The following CELF4 variants were observed in gnomAD, a reference collection of about 807,000 sequenced individuals.
CELF4 encodes the protein CUG-BP- and ETR-3-like factor 4.
CELF4 carries 18 observed loss-of-function variants against 59.9 expected under a neutral mutation model. The ratio of observed to expected loss-of-function variants is 0.30; its 90% CI spans 0.21 to 0.45. CELF4 has a LOEUF of 0.45. CELF4 is among the 20% of genes least tolerant of loss of function. CELF4 has a pLI of 1.00. For missense variants in CELF4, 456 were observed against 689.0 expected, an observed-to-expected ratio of 0.66 and a Z score of 3.79; for synonymous variants, 261 against 267.1, an observed-to-expected ratio of 0.98 and a Z score of 0.22.
intron 9 of CELF4, among the ~76,000 whole-genome samples, chr18:37,265,293 G>A (rs1280508265): frequency 1.3e-5 from 2 of 152,116 alleles, no homozygotes; most frequent in African/African-American, 2.4e-5. Context: ...ACACATGCAC[G>A]TGTGTGTGTG....
rs891079436 is a variant in CELF4, at chr18:37,246,652, T to C, written c.*45-1455A>G. Among the ~76,000 whole-genome samples, 2 of 152,058 alleles carry C rather than the reference T, an allele frequency of 1.3e-5. No homozygotes were observed. Among genetic ancestry groups the C allele is most frequent in the Admixed American group, 1.3e-4 (2 of 15,252 alleles). ...AGCCTAACTGGAAAAAGACCAGACC[T>C]AGGAAAGTGTCAATTGAAAAAGGCC... is the stretch of plus-strand genomic sequence containing the variant. On this transcript the variant is annotated intron_variant, in intron 12 of 12. Transcript: ENST00000420428. The surrounding 1 kb of genome is among the most constrained non-coding windows in gnomAD (Gnocchi z 5.3).
chr18:37,364,953 G>A (rs569545000), intron 2 of CELF4, among the ~76,000 whole-genome samples: 1 of 152,266 alleles, frequency 6.6e-6, no homozygotes, highest in South Asian at 2.1e-4. Context: ...GGTCAGCAGG[G>A]ACCAGGGCAG....
At chr18:37,472,422 G>A (rs2099835949) in intron 2 of CELF4, among the ~76,000 whole-genome samples, 1 of 152,274 alleles carries the variant, frequency 6.6e-6, no homozygotes, top group Admixed American at 6.5e-5. Flanking sequence ...TGGATCAGAA[G>A]GGGCCAGGTA....
At chr18:37,530,424 C>CT (rs113604200) in intron 1 of CELF4, among the ~76,000 whole-genome samples, 3,162 of 152,244 alleles carry the variant, frequency 0.021, 121 homozygotes, top group African/African-American at 0.073. Context: ...TGACTCCAAG[C>CT]AAGAGCCAAA....
chr18:37,298,736 A>G (rs527718909), intron 3 of CELF4, among the ~76,000 whole-genome samples: 2,815 of 151,658 alleles, frequency 0.019, 93 homozygotes, highest in African/African-American at 0.065. Flanking sequence ...AAAAAAAAAA[A>G]AAAAAATCCA....
At chr18:37,416,378 G>A (rs1332583987) in intron 2 of CELF4, among the ~76,000 whole-genome samples, 1 of 151,464 alleles carries the variant, frequency 6.6e-6, no homozygotes, top group Admixed American at 6.6e-5. Context: ...TCACCTCCAG[G>A]AGCCCCAGCT....
chr18:37,270,243 C>T (rs1220561099), intron 8 of CELF4, among the ~76,000 whole-genome samples: 1 of 152,220 alleles, frequency 6.6e-6, no homozygotes, highest in Non-Finnish European at 1.5e-5. Flanking sequence ...TGGTGCTGAC[C>T]TGTCCATGGT....
At chr18:37,493,789 A>G (rs1173905789) in intron 1 of CELF4, among the ~76,000 whole-genome samples, 1 of 152,138 alleles carries the variant, frequency 6.6e-6, no homozygotes, top group Non-Finnish European at 1.5e-5. Flanking sequence ...TTGGCCATGC[A>G]TTCTTCTTTC....
intron 1 of CELF4, among the ~76,000 whole-genome samples, chr18:37,559,093 T>C (rs1305985453): frequency 6.6e-6 from 1 of 152,004 alleles, no homozygotes; most frequent in Non-Finnish European, 1.5e-5. Context: ...AAAGCACACC[T>C]TCACACCAGG....
intron 1 of CELF4, among the ~76,000 whole-genome samples, chr18:37,519,398 G>T (rs1302875313): frequency 1.3e-5 from 2 of 152,048 alleles, no homozygotes; most frequent in Non-Finnish European, 2.9e-5. Context: ...TCCTCACTTT[G>T]TCTGGCTTTG....
At chr18:37,343,673 G>A (rs1444398655) in intron 2 of CELF4, among the ~76,000 whole-genome samples, 7 of 152,206 alleles carry the variant, frequency 4.6e-5, no homozygotes, top group East Asian at 1.9e-4. Flanking sequence ...GCACCTGTGC[G>A]TGTATTCAGA....
chr18:37,268,857 T>C (rs1440283406), intron 8 of CELF4, among the ~76,000 whole-genome samples: 2 of 152,238 alleles, frequency 1.3e-5, no homozygotes, highest in African/African-American at 4.8e-5. Flanking sequence ...TAAATTAATT[T>C]TTTTAATGTA....
At chr18:37,475,523 G>A (rs1003203848) in intron 2 of CELF4, among the ~76,000 whole-genome samples, 1 of 152,246 alleles carries the variant, frequency 6.6e-6, no homozygotes, top group African/African-American at 2.4e-5. Context: ...ACCTAGAGGA[G>A]CATCACAGAG....
chr18:37,563,491 G>T (rs1266389404), intron 1 of CELF4, among the ~76,000 whole-genome samples: 1 of 152,006 alleles, frequency 6.6e-6, no homozygotes, highest in African/African-American at 2.4e-5. Flanking sequence ...AATAACAAAG[G>T]TTTGATACAA....
intron 2 of CELF4, among the ~76,000 whole-genome samples, chr18:37,424,033 A>C (rs2099596707): frequency 6.6e-6 from 1 of 151,604 alleles, no homozygotes; most frequent in African/African-American, 2.4e-5. Context: ...TTTTGAGACA[A>C]CTTCCTGCTC....
chr18:37,272,033 A>G (rs1433634708), intron 7 of CELF4, among the ~76,000 whole-genome samples: 3 of 152,156 alleles, frequency 2.0e-5, no homozygotes, highest in African/African-American at 4.8e-5. Flanking sequence ...GGTGAAGAGT[A>G]GTGTTCAAGT....
At chr18:37,386,100 T>A (rs1442006559) in intron 2 of CELF4, among the ~76,000 whole-genome samples, 4 of 152,232 alleles carry the variant, frequency 2.6e-5, no homozygotes, top group Admixed American at 6.5e-5. Context: ...GATGAATGAA[T>A]GTATTGATTT....
chr18:37,495,880 G>A (rs1603642656), intron 1 of CELF4, among the ~76,000 whole-genome samples: 1 of 152,116 alleles, frequency 6.6e-6, no homozygotes, highest in East Asian at 1.9e-4. Flanking sequence ...GGGGTGCGAT[G>A]GGCTTCTCTG....
intron 2 of CELF4, among the ~76,000 whole-genome samples, chr18:37,422,116 G>T (rs909225848): frequency 6.6e-6 from 1 of 152,216 alleles, no homozygotes; most frequent in Non-Finnish European, 1.5e-5. Flanking sequence ...TGAGGAAACT[G>T]AATGTGGTGG....
Sources: allele counts gnomAD v4.1 joint callset (sites outside exome capture counted in the v4.1 genomes callset), GRCh38; gene constraint gnomAD v4.1.1; non-coding constraint Gnocchi (gnomAD v3.1); transcripts MANE v1.5; gene names NCBI Gene and HGNC (gene_info 2026-07-23, HGNC 2026-07-21).